Variants in NEO1 observed in about 807,000 individuals in gnomAD.
The protein encoded by NEO1 is neogenin.
Under a neutral mutation model 159.7 loss-of-function variants are expected in NEO1, and 63 were observed. The observed-to-expected ratio is 0.39, with a 90% CI of 0.32 to 0.49. The LOEUF is 0.49. Among genes scored for constraint, NEO1 ranks in the 20% least tolerant of loss-of-function variants. NEO1 has a pLI of 0.85. For synonymous variants in NEO1, 633 were observed against 662.0 expected (o/e 0.96, Z 0.67); for missense variants, 1,615 against 1,831.0 (o/e 0.88, Z 2.15).
intron 2 of NEO1, 147 bp downstream of exon 2, chr15:73,117,004 T>A: frequency 1.6e-6 from 1 of 636,170 alleles, no homozygotes; most frequent in Non-Finnish European, 2.6e-6. Context: ...ATACTCTGCG[T>A]ATGGGACCTT....
Position 73,270,146 on chromosome 15 carries a change from C to T in NEO1, c.2631C>T (p.Asn877=). Residue 877 remains asparagine (N), a synonymous_variant, in exon 17 of 29, where the codon AAC becomes AAT. Transcript: ENST00000261908. ...CCATCAGGATTACGTGGGCAGACAA[C>T]TCGCTGCCCAAGCACCAGAAGATTA... ...HDTIRITWAD[N]SLPKHQKITD... 6.2e-7 allele frequency: 1 copy of T among 1,614,196 alleles called. No homozygotes were observed. Among genetic ancestry groups the T allele is most frequent in the Non-Finnish European group, 8.5e-7 (1 of 1,180,038 alleles).
chr15:73,067,604 C>T (rs1371639633), intron 1 of NEO1, among the ~76,000 whole-genome samples: 1 of 149,708 alleles, frequency 6.7e-6, no homozygotes, highest in Non-Finnish European at 1.5e-5. Flanking sequence ...CGCCTGCCAC[C>T]ACGCCCAGCT....
intron 7 of NEO1, among the ~76,000 whole-genome samples, chr15:73,206,617 T>G (rs1035365488): frequency 6.6e-6 from 1 of 152,170 alleles, no homozygotes; most frequent in Non-Finnish European, 1.5e-5. Flanking sequence ...TTGTTTTGTT[T>G]TTTTAATTAC....
chr15:73,172,538 A>G (rs539380763), intron 5 of NEO1, among the ~76,000 whole-genome samples: 1 of 152,226 alleles, frequency 6.6e-6, no homozygotes, highest in South Asian at 2.1e-4. Context: ...TTTGAAACCC[A>G]CATTTAGCAA....
intron 7 of NEO1, among the ~76,000 whole-genome samples, chr15:73,227,558 A>G (rs1006260064): frequency 2.6e-5 from 4 of 152,138 alleles, no homozygotes; most frequent in African/African-American, 7.2e-5. Flanking sequence ...CCACGGAACA[A>G]TTCAATTTCT....
chr15:73,220,968 AG>A (rs1179341234), intron 7 of NEO1, among the ~76,000 whole-genome samples: 1 of 152,192 alleles, frequency 6.6e-6, no homozygotes, highest in Non-Finnish European at 1.5e-5. Context: ...ATTGCTGGTG[AG>A]GAACTGGGTT....
At chr15:73,279,345 G>GTTGTTTTTTTT (rs2041568194) in intron 22 of NEO1, among the ~76,000 whole-genome samples, 1 of 77,798 alleles carries the variant, frequency 1.3e-5, no homozygotes, top group Non-Finnish European at 3.6e-5. Flanking sequence ...TGTTGTTTTG[G>GTTGTTTTTTTT]TTTTGGTTTT....
intron 1 of NEO1, among the ~76,000 whole-genome samples, chr15:73,080,341 T>G (rs1371945425): frequency 6.6e-6 from 1 of 152,122 alleles, no homozygotes; most frequent in East Asian, 1.9e-4. Context: ...ACAAACAGAG[T>G]TTATAGGCTT....
At chr15:73,186,991 A>C (rs2035968885) in intron 7 of NEO1, among the ~76,000 whole-genome samples, 1 of 152,216 alleles carries the variant, frequency 6.6e-6, no homozygotes, top group South Asian at 2.1e-4. Context: ...GAAATAGTTG[A>C]TAACATGAAA....
chr15:73,224,863 G>A (rs1486655061), intron 7 of NEO1, among the ~76,000 whole-genome samples: 3 of 152,030 alleles, frequency 2.0e-5, no homozygotes, highest in Admixed American at 6.6e-5. Context: ...TTTTTTGGGG[G>A]GGGTGTTAAA....
Position 73,236,164 on chromosome 15 carries a change from C to T in NEO1, c.1292-183C>T. On this transcript the variant is annotated intron_variant, in intron 7 of 28. Transcript: ENST00000261908. ...TTTAATGGCCTTTTTTATGTTCATT[C>T]ATTTTATTTTATTTCCCATCGTGGT... The T allele has an allele frequency of 6.4e-6, 5 of 786,334 alleles. 1 individual carries two copies. The South Asian group carries it at 9.3e-5, about 15-fold the overall frequency. The allele number at this position is 786,334 out of a possible 1,614,324, so 48.7% of individuals were successfully genotyped here.
At chr15:73,206,044 C>T (rs908922791) in intron 7 of NEO1, among the ~76,000 whole-genome samples, 7 of 151,838 alleles carry the variant, frequency 4.6e-5, no homozygotes, top group Non-Finnish European at 1.0e-4. Flanking sequence ...AGTAGCTGGG[C>T]TACAGGCATG....
intron 5 of NEO1, among the ~76,000 whole-genome samples, chr15:73,159,716 G>A (rs1190860422): frequency 6.6e-6 from 1 of 152,074 alleles, no homozygotes; most frequent in African/African-American, 2.4e-5. Context: ...CTAATCTTTT[G>A]CTGCTTCAGT....
intron 7 of NEO1, among the ~76,000 whole-genome samples, chr15:73,202,243 A>G (rs1264448860): frequency 6.6e-6 from 1 of 152,158 alleles, no homozygotes; most frequent in Non-Finnish European, 1.5e-5. Flanking sequence ...GATTACAGGC[A>G]TGAGCCACTG....
chr15:73,199,759 G>T (rs1004738296), intron 7 of NEO1, among the ~76,000 whole-genome samples: 1 of 152,150 alleles, frequency 6.6e-6, no homozygotes, highest in Non-Finnish European at 1.5e-5. Context: ...AACAGGTTTG[G>T]TGTCTGGTAA....
intron 7 of NEO1, among the ~76,000 whole-genome samples, chr15:73,210,714 AAG>A (rs1471612723): frequency 2.6e-5 from 4 of 152,208 alleles, no homozygotes; most frequent in African/African-American, 9.6e-5. Context: ...TTTGGTTAAT[AAG>A]AGTATTACTT....
chr15:73,258,311 A>T (rs1460923630), intron 13 of NEO1, among the ~76,000 whole-genome samples: 1 of 152,220 alleles, frequency 6.6e-6, no homozygotes, highest in Non-Finnish European at 1.5e-5. Context: ...GGTGGCTCAG[A>T]GAACAGAGGT....
chr15:73,208,853 C>T (rs2037387669), intron 7 of NEO1, among the ~76,000 whole-genome samples: 1 of 152,016 alleles, frequency 6.6e-6, no homozygotes, highest in Admixed American at 6.6e-5. Context: ...AAGAGTGAGA[C>T]CCTGTCTCAA....
chr15:73,100,338 C>CT (rs1165859838), intron 1 of NEO1, among the ~76,000 whole-genome samples: 1,870 of 143,230 alleles, frequency 0.013, 32 homozygotes, highest in East Asian at 0.038. Flanking sequence ...ATTTTGATAT[C>CT]TTTTTTTTTT....
Sources: gnomAD v4.1 joint callset for allele counts (sites outside exome capture counted in the v4.1 genomes callset) on GRCh38, gnomAD v4.1.1 for gene constraint, MANE v1.5 for transcripts, NCBI Gene and HGNC (gene_info 2026-07-23, HGNC 2026-07-21) for gene names.